Variants in RIC3 observed in about 807,000 individuals in gnomAD.
The protein encoded by RIC3 is RIC3 acetylcholine receptor chaperone.
RIC3 carries 28 observed loss-of-function variants against 27.3 expected under a neutral mutation model. That is an observed-to-expected ratio of 1.02 (90% CI 0.76 to 1.41). RIC3 has a LOEUF of 1.41. RIC3 is among the 40% of genes most tolerant of loss of function. The pLI is 0.00. For missense variants in RIC3, 501 were observed against 444.7 expected (o/e 1.13, Z -1.14); for synonymous variants, 184 against 160.4 (o/e 1.15, Z -1.11).
At chr11:8,122,026 G>A (rs904528916) in intron 5 of RIC3, among the ~76,000 whole-genome samples, 1 of 152,050 alleles carries the variant, frequency 6.6e-6, no homozygotes, top group Admixed American at 6.6e-5. Flanking sequence ...TCCCAGCATG[G>A]GCAACATGGT....
At chr11:8,126,105 A>G (rs2133613358) in intron 5 of RIC3, among the ~76,000 whole-genome samples, 1 of 152,342 alleles carries the variant, frequency 6.6e-6, no homozygotes. Flanking sequence ...GTATAGACTC[A>G]AAAGAAATAC....
chr11:8,107,250 A>C lies in RIC3; in HGVS notation c.*3448T>G, dbSNP rs1944766636. The stretch of plus-strand genomic sequence containing the variant: ...TTGGAATACAAATAGTCCAGATTGA[A>C]GAGAACTTTGAGAGTGTGGTAATAA... On this transcript the variant is annotated 3_prime_UTR_variant, in exon 6 of 6. Transcript: ENST00000309737. 1.3e-5 allele frequency: 2 copies of C among 152,240 alleles called. No homozygotes were observed. The highest frequency in any genetic ancestry group is 6.5e-5 in the Admixed American group (1 of 15,290). 9.4% of individuals were successfully genotyped at this position (152,240 alleles called of 1,614,324 possible). A position where few individuals can be genotyped will look rare whatever the true frequency, so the allele number is the denominator to read the frequency against.
chr11:8,101,901 TGTAGTC>T (rs909157539), downstream of RIC3: 34 of 432,840 alleles, frequency 7.9e-5, no homozygotes, highest in Non-Finnish European at 1.3e-4. Flanking sequence ...AGTAGTGTGT[TGTAGTC>T]GTACTTACCA....
At chr11:8,159,008 G>A (rs1950945019) in intron 1 of RIC3, among the ~76,000 whole-genome samples, 1 of 151,488 alleles carries the variant, frequency 6.6e-6, no homozygotes, top group Admixed American at 6.6e-5. Flanking sequence ...TGGGATTACA[G>A]GCGTGAGCCA....
intron 4 of RIC3, among the ~76,000 whole-genome samples, chr11:8,129,980 C>T (rs1947490500): frequency 6.6e-6 from 1 of 152,242 alleles, no homozygotes; most frequent in South Asian, 2.1e-4. Flanking sequence ...ACTCCAAAGC[C>T]TTATGTACTT....
intron 5 of RIC3, among the ~76,000 whole-genome samples, chr11:8,121,721 A>G (rs1192115227): frequency 6.6e-6 from 1 of 152,050 alleles, no homozygotes; most frequent in East Asian, 1.9e-4. Flanking sequence ...CTCTGTCTCA[A>G]AAAAAATAAT....
At chr11:8,163,662 A>G (rs1951405812) in intron 1 of RIC3, among the ~76,000 whole-genome samples, 1 of 152,184 alleles carries the variant, frequency 6.6e-6, no homozygotes, top group Non-Finnish European at 1.5e-5. Flanking sequence ...AGACTTTCAC[A>G]CTAAAAACTA....
intron 4 of RIC3, chr11:8,128,073 C>T (rs1947200987): frequency 2.7e-6 from 1 of 375,646 alleles, no homozygotes; most frequent in Non-Finnish European, 5.2e-6. Context: ...CCTATACTTA[C>T]AGGGCCTCTG....
chr11:8,140,916 A>T (rs1349030882), intron 1 of RIC3, among the ~76,000 whole-genome samples: 1 of 151,140 alleles, frequency 6.6e-6, no homozygotes, highest in South Asian at 2.1e-4. Flanking sequence ...CCAGAATTTC[A>T]TATCCAGCCA....
At chr11:8,147,724 A>ATTTTTT (rs900780947) in intron 1 of RIC3, among the ~76,000 whole-genome samples, 3 of 124,528 alleles carry the variant, frequency 2.4e-5, no homozygotes, top group African/African-American at 3.1e-5. Flanking sequence ...CTTGCGTAAG[A>ATTTTTT]TTTTTTTTTT....
chr11:8,167,553 C>T (rs1489690222), intron 1 of RIC3, among the ~76,000 whole-genome samples: 1 of 151,592 alleles, frequency 6.6e-6, no homozygotes, highest in Non-Finnish European at 1.5e-5. Flanking sequence ...GTCTAATCTC[C>T]ACTCTACATT....
intron 5 of RIC3, 135 bp downstream of exon 5, chr11:8,126,524 C>T (rs1947010527): frequency 9.8e-7 from 1 of 1,020,396 alleles, no homozygotes; most frequent in Non-Finnish European, 1.4e-6. Flanking sequence ...CAAAACTCAT[C>T]CAACCGTACA....
intron 2 of RIC3, chr11:8,138,563 A>G (rs1436723559): frequency 2.0e-6 from 1 of 498,952 alleles, no homozygotes; most frequent in Non-Finnish European, 3.5e-6. Context: ...AAAGTAAAGT[A>G]GAGATTCCTC....
At chr11:8,119,753 C>T (rs1040622192) in intron 5 of RIC3, among the ~76,000 whole-genome samples, 8 of 152,156 alleles carry the variant, frequency 5.3e-5, no homozygotes, top group African/African-American at 1.9e-4. Flanking sequence ...TCAGAGTGAA[C>T]AGGCAACCTA....
At chr11:8,131,067 G>A (rs1947632406) in intron 4 of RIC3, among the ~76,000 whole-genome samples, 1 of 150,248 alleles carries the variant, frequency 6.7e-6, no homozygotes, top group East Asian at 1.9e-4. Context: ...GAAATCACAT[G>A]AGATAGTTAT....
At chr11:8,127,825 T>C (rs1343694934) in intron 4 of RIC3, among the ~76,000 whole-genome samples, 1 of 152,236 alleles carries the variant, frequency 6.6e-6, no homozygotes, top group Admixed American at 6.5e-5. Context: ...TAACAGCCAG[T>C]TCTGAGCCTG....
At chr11:8,164,686 G>A (rs546471858) in intron 1 of RIC3, among the ~76,000 whole-genome samples, 2 of 150,100 alleles carry the variant, frequency 1.3e-5, no homozygotes, top group South Asian at 2.1e-4. Context: ...GGTAAGGTGG[G>A]AGAATCACTT....
intron 1 of RIC3, among the ~76,000 whole-genome samples, chr11:8,142,226 A>C (rs1396691346): frequency 2.2e-5 from 3 of 135,830 alleles, no homozygotes; most frequent in Non-Finnish European, 4.6e-5. Flanking sequence ...CAAAAAATTA[A>C]TGAATCCAGG....
At chr11:8,134,025 T>C (rs929246690) in intron 4 of RIC3, among the ~76,000 whole-genome samples, 2 of 152,116 alleles carry the variant, frequency 1.3e-5, no homozygotes, top group Non-Finnish European at 1.5e-5. Flanking sequence ...CTTTAAGTTC[T>C]AGGGTACATG....
Sources: gnomAD v4.1 joint callset for allele counts (sites outside exome capture counted in the v4.1 genomes callset) on GRCh38, gnomAD v4.1.1 for gene constraint, MANE v1.5 for transcripts, NCBI Gene and HGNC (gene_info 2026-07-23, HGNC 2026-07-21) for gene names.